Variants in SLC22A17 observed in about 807,000 individuals in gnomAD.
SLC22A17 encodes the protein 24p3 receptor.
A neutral mutation model predicts 53.6 loss-of-function variants in SLC22A17; 38 were observed. That is an observed-to-expected ratio of 0.71 (90% CI 0.55 to 0.93). The LOEUF is 0.93. Ranked by LOEUF, SLC22A17 falls within the 40% of genes least tolerant of loss-of-function variation. The pLI is 0.00. For synonymous variants in SLC22A17, 379 were observed against 353.0 expected, an observed-to-expected ratio of 1.07 and a Z score of -0.82; for missense variants, 704 against 791.0, an observed-to-expected ratio of 0.89 and a Z score of 1.32.
rs150344139 is a variant in SLC22A17 at position 23,347,636 on chromosome 14, G to A, written c.1373C>T (p.Thr458Ile). ...CAGGAAGACACAGGCCAGGGCTGCG[G>A]TGCCGCTGGCCAGCAGAGAGCACAG... Residue 458 changes from threonine (T) to isoleucine (I), a missense_variant, in exon 8 of 10, where the codon ACC (threonine) becomes ATC (isoleucine). By Grantham distance (89) the Thr-to-Ile change is moderately conservative. Coordinates refer to ENST00000397267, the Ensembl canonical transcript of SLC22A17. This position sits in a 1 kb window ranked among gnomAD's most constrained non-coding sequence, Gnocchi z 5.1. 16 of 1,613,992 alleles carry A rather than the reference G, an allele frequency of 9.9e-6. No homozygotes were observed. The highest frequency in any genetic ancestry group is 1.3e-5 in the Non-Finnish European group (15 of 1,180,014).
chr14:23,352,868 G>A lies in SLC22A17; in HGVS notation c.-127C>T, dbSNP rs1173318309. The A allele has an allele frequency of 1.8e-5, 7 of 397,468 alleles. No individual in the cohort carries two copies. In the South Asian group the frequency reaches 9.6e-4, roughly 55 times the overall value. 24.6% of individuals were successfully genotyped at this position (397,468 alleles called of 1,614,324 possible). A position where few individuals can be genotyped will look rare whatever the true frequency, so the allele number is the denominator to read the frequency against. On this transcript the variant is annotated 5_prime_UTR_variant, in exon 1 of 10. Coordinates refer to ENST00000397267, the Ensembl canonical transcript of SLC22A17. This position sits in a 1 kb window ranked among gnomAD's most constrained non-coding sequence, Gnocchi z 7.2. ...CCCGCTCTGCAGCTCTGCAGCCGCG[G>A]GCGCCTCCTTGGTCTCTGCGATCTC... is the stretch of plus-strand genomic sequence containing the variant.
chr14:23,346,544 C>A (rs1889188293), exon 10 of SLC22A17: 11 of 1,353,262 alleles, frequency 8.1e-6, no homozygotes, highest in Non-Finnish European at 9.7e-6. Flanking sequence ...GCGTGAGGTG[C>A]CTCTGAGACT....
chr14:23,348,479 A>G lies in SLC22A17; in HGVS notation c.1025+27T>C. On this transcript the variant is annotated intron_variant, in intron 5 of 9. Coordinates refer to ENST00000397267, the Ensembl canonical transcript of SLC22A17. The surrounding 1 kb of genome is among the most constrained non-coding windows in gnomAD (Gnocchi z 4.5). ...TTTGGAGGCAGAGATGGGAATTGCC[A>G]GACGACAGGTGAAGGGTAATACTGA... 2 of 1,605,116 alleles carry G rather than the reference A, an allele frequency of 1.2e-6. No homozygotes were observed. The highest frequency in any genetic ancestry group is 1.7e-6 in the Non-Finnish European group (2 of 1,174,150).
chr14:23,349,199 T>G, intron 4 of SLC22A17, 73 bp downstream of exon 4: 2 of 1,596,678 alleles, frequency 1.3e-6, no homozygotes, highest in Non-Finnish European at 1.7e-6. Context: ...TAGGGGGCAG[T>G]GAGGATGGCC....
In SLC22A17 at chr14:23,348,795, G is replaced by T; in HGVS notation, c.860-124C>A. Reference sequence around the variant, plus strand: ...GGTCAGACCCAGAGTGGAGGCTGCAGCCATTGCCTCCCTTGCTAACCTCTG... The same window carrying T: ...GGTCAGACCCAGAGTGGAGGCTGCATCCATTGCCTCCCTTGCTAACCTCTG... On this transcript the variant is annotated intron_variant, in intron 4 of 9. Coordinates refer to ENST00000397267, the Ensembl canonical transcript of SLC22A17. The surrounding 1 kb of genome is among the most constrained non-coding windows in gnomAD (Gnocchi z 4.5). The T allele has an allele frequency of 9.6e-7, 1 of 1,045,064 alleles. No individual in the cohort carries two copies. Among genetic ancestry groups the T allele is most frequent in the Non-Finnish European group, 1.4e-6 (1 of 740,180 alleles). 64.7% of individuals were successfully genotyped at this position (1,045,064 alleles called of 1,614,324 possible). A position where few individuals can be genotyped will look rare whatever the true frequency, so the allele number is the denominator to read the frequency against.
In SLC22A17 at chr14:23,347,507, T is replaced by G; in HGVS notation, c.1502A>C (p.His501Pro). ...AGCCCACACTGTGGGGAAGATAGGA[T>G]GCTCACAATCCCACAGGCCCAGCAG... The change falls in exon 8 of 10, where the codon CAT (histidine) becomes CCT (proline). Residue 501 changes from histidine to proline, a missense_variant. Around this residue, in one of 4 missense-constraint regions of SLC22A17, gnomAD observed 435 missense variants for 529.0 expected, o/e 0.82. Transcript: ENST00000397267. The surrounding 1 kb of genome is among the most constrained non-coding windows in gnomAD (Gnocchi z 5.1). 1.5e-5 allele frequency: 24 copies of G among 1,614,008 alleles called. No homozygotes were observed. Among genetic ancestry groups the G allele is most frequent in the Non-Finnish European group, 2.0e-5 (24 of 1,179,964 alleles).
chr14:23,349,767 G>C (rs993338862), intron 3 of SLC22A17: 2 of 332,250 alleles, frequency 6.0e-6, no homozygotes, highest in African/African-American at 2.1e-5. Context: ...CTTAGGAACA[G>C]AGCTAATGGT....
Position 23,347,242 on chromosome 14 carries a change from C to A in SLC22A17, c.1550-30G>T. ...AGAAGCAAGAGGGATGATATGAATG[C>A]AGGTGGGGAGGTCAAGGCTGGCCTA... On this transcript the variant is annotated intron_variant, in intron 8 of 9. Coordinates refer to ENST00000397267, the Ensembl canonical transcript of SLC22A17. This position sits in a 1 kb window ranked among gnomAD's most constrained non-coding sequence, Gnocchi z 5.1. The A allele has an allele frequency of 6.3e-7, 1 of 1,590,682 alleles. No individual in the cohort carries two copies. Among genetic ancestry groups the A allele is most frequent in the Non-Finnish European group, 8.6e-7 (1 of 1,164,030 alleles).
In SLC22A17 at chr14:23,352,591, G is replaced by A. The variant is rs971803911; in HGVS notation, c.96+55C>T. ...AGGAGGAAAATGCCAGACGCTCCGC[G>A]GGGGCGGGGGTGCTGGGAGAGGATG... On this transcript the variant is annotated intron_variant, in intron 1 of 9. Coordinates refer to ENST00000397267, the Ensembl canonical transcript of SLC22A17. This position sits in a 1 kb window ranked among gnomAD's most constrained non-coding sequence, Gnocchi z 7.2. The A allele has an allele frequency of 7.2e-6, 3 of 417,474 alleles. No homozygotes were observed. The East Asian group carries it at 1.1e-4, about 15-fold the overall frequency. 25.9% of individuals were successfully genotyped at this position (417,474 alleles called of 1,614,324 possible).
chr14:23,349,157 TAGCTGAG>T, intron 4 of SLC22A17, 108 bp downstream of exon 4: 1 of 1,364,546 alleles, frequency 7.3e-7, no homozygotes, highest in South Asian at 1.2e-5. Flanking sequence ...GGCAGAAAGA[TAGCTGAG>T]ATTCTAGGCA....
At chr14:23,349,463 T>G (rs1247641805) in intron 3 of SLC22A17, 37 bp from the exon 4 acceptor site, 1 of 1,588,898 alleles carries the variant, frequency 6.3e-7, no homozygotes, top group East Asian at 2.3e-5. Context: ...ACCCAGACTC[T>G]CTGGTGGTGG....
chr14:23,346,920 G>A, exon 10 of SLC22A17: 1 of 1,536,226 alleles, frequency 6.5e-7, no homozygotes, highest in South Asian at 1.2e-5. Flanking sequence ...GCCATGATCA[G>A]GCCCAGGCCA....
rs748011484 is a variant in SLC22A17 at position 23,346,912 on chromosome 14, C to T, written c.1686G>A (p.Met562Ile). 1.9e-4 allele frequency: 288 copies of T among 1,538,520 alleles called. No homozygotes were observed. The highest frequency in any genetic ancestry group is 2.5e-4 in the Non-Finnish European group (287 of 1,148,970). ...TCAGTCCTCCAAGCGCCCCTAGAGC[C>T]ATGATCAGGCCCAGGCCACGGCCCC... The change falls in exon 10 of 10, where the codon ATG becomes ATA. Residue 562 changes from methionine (M) to isoleucine (I), a missense_variant. By Grantham distance (10) the Met-to-Ile change is conservative (BLOSUM62 1). This residue lies in a region of SLC22A17 where 196 missense variants were observed against 171.5 expected (regional missense o/e 1.14). Transcript: ENST00000397267.
At chr14:23,349,169 T>C in intron 4 of SLC22A17, 103 bp downstream of exon 4, 2 of 1,462,126 alleles carry the variant, frequency 1.4e-6, no homozygotes, top group Admixed American at 1.7e-5. Flanking sequence ...GCTGAGATTC[T>C]AGGCAGCTGA....
Position 23,349,249 on chromosome 14 carries a change from A to G in SLC22A17, c.859+23T>C, listed in dbSNP as rs779326577. On this transcript the variant is annotated intron_variant, in intron 4 of 9. Transcript: ENST00000397267. ...GGTAGGCATGAGACCCAAGGGAGGG[A>G]ATTCTGGGAGGGTGCCACTTACGCA... 3.7e-5 allele frequency: 60 copies of G among 1,613,500 alleles called. No individual in the cohort carries two copies. The Middle Eastern group carries it at 4.9e-4, about 13-fold the overall frequency.
chr14:23,346,940 G>T lies in SLC22A17; in HGVS notation c.1662-4C>A, dbSNP rs547333943. 32 of 1,529,176 alleles carry T rather than the reference G, an allele frequency of 2.1e-5. No homozygotes were observed. Among genetic ancestry groups the T allele is most frequent in the African/African-American group, 4.1e-5 (3 of 72,994 alleles). The allele number at this position is 1,529,176 out of a possible 1,614,324, so 94.7% of individuals were successfully genotyped here. On this transcript the variant is annotated splice_region_variant and splice_polypyrimidine_tract_variant and intron_variant, in intron 9 of 9. Coordinates refer to ENST00000397267, the Ensembl canonical transcript of SLC22A17. ...GATCAGGCCCAGGCCACGGCCCCTGGGGGGAGACAGAGGAGGAGCTCAGCC... is the reference window on the plus strand; with the variant it reads ...GATCAGGCCCAGGCCACGGCCCCTGTGGGGAGACAGAGGAGGAGCTCAGCC...
In SLC22A17 at chr14:23,352,160, C is replaced by T; in HGVS notation, c.388G>A (p.Ala130Thr). ...CAGCCAGAGGCATTAGGGGGGAAGG[C>T]CCCGTAGTGGCAATGCAGCGGGGGC... The change falls in exon 2 of 10, where the codon GCC (alanine) becomes ACC (threonine). Residue 130 changes from alanine to threonine, a missense_variant. Around this residue, in one of 4 missense-constraint regions of SLC22A17, gnomAD observed 435 missense variants for 529.0 expected, o/e 0.82. Coordinates refer to ENST00000397267, the Ensembl canonical transcript of SLC22A17. The surrounding 1 kb of genome is among the most constrained non-coding windows in gnomAD (Gnocchi z 7.2). 1.3e-6 allele frequency: 2 copies of T among 1,543,872 alleles called. No individual in the cohort carries two copies. The highest frequency in any genetic ancestry group is 8.7e-7 in the Non-Finnish European group (1 of 1,149,468).
Position 23,348,522 on chromosome 14 carries a change from G to A in SLC22A17, c.1009C>T (p.Leu337Phe). 1 of 1,613,934 alleles carries A rather than the reference G, an allele frequency of 6.2e-7. No homozygotes were observed. Among genetic ancestry groups the A allele is most frequent in the Non-Finnish European group, 8.5e-7 (1 of 1,179,888 alleles). The stretch of plus-strand genomic sequence containing the variant: ...AATACTGACCCATAAAACAGGAAGA[G>A]GATGCAGGGAGCGGTGATCATTCGC... The change falls in exon 5 of 10, where the codon CTC (leucine) becomes TTC (phenylalanine). Residue 337 changes from leucine to phenylalanine, a missense_variant. Coordinates refer to ENST00000397267, the Ensembl canonical transcript of SLC22A17. This position sits in a 1 kb window ranked among gnomAD's most constrained non-coding sequence, Gnocchi z 4.5.
chr14:23,348,441 G>C lies in SLC22A17; in HGVS notation c.1025+65C>G, dbSNP rs969204068. 6.3e-7 allele frequency: 1 copy of C among 1,588,544 alleles called. No homozygotes were observed. The highest frequency in any genetic ancestry group is 8.6e-7 in the Non-Finnish European group (1 of 1,164,918). On this transcript the variant is annotated intron_variant, in intron 5 of 9. Transcript: ENST00000397267. This position sits in a 1 kb window ranked among gnomAD's most constrained non-coding sequence, Gnocchi z 4.5. Reference sequence around the variant, plus strand: ...TAGTTGGAGAAGAGGAGGGGTCTCCGGGCTAGGGCTAGTTTGGAGGCAGAG... The same window carrying C: ...TAGTTGGAGAAGAGGAGGGGTCTCCCGGCTAGGGCTAGTTTGGAGGCAGAG...
Sources: allele counts gnomAD v4.1 joint callset, GRCh38; gene constraint gnomAD v4.1.1; regional missense constraint gnomAD v4.1.1; non-coding constraint Gnocchi (gnomAD v3.1); transcripts MANE v1.5; gene names NCBI Gene and HGNC (gene_info 2026-07-23, HGNC 2026-07-21).